The following ACER3 variants were observed in gnomAD, a reference collection of about 807,000 sequenced individuals.
The protein encoded by ACER3 is alkaline ceramidase 3.
A neutral mutation model predicts 48.9 loss-of-function variants in ACER3; 16 were observed. That is an observed-to-expected ratio of 0.33 (90% CI 0.22 to 0.50). The LOEUF (loss-of-function observed/expected upper bound fraction) is 0.50, where lower values mean the gene tolerates loss of function less well. Ranked by LOEUF, ACER3 falls within the 20% of genes least tolerant of loss-of-function variation. ACER3 has a pLI of 0.98. For missense variants in ACER3, 227 were observed against 326.0 expected, an observed-to-expected ratio of 0.70 and a Z score of 2.34; for synonymous variants, 109 against 107.8, an observed-to-expected ratio of 1.01 and a Z score of -0.07.
chr11:76,972,046 T>C (rs926500811), intron 3 of ACER3, among the ~76,000 whole-genome samples: 1 of 152,254 alleles, frequency 6.6e-6, no homozygotes, highest in Non-Finnish European at 1.5e-5. Context: ...ATCGCTGTCC[T>C]GAAATATATC....
Position 77,025,323 on chromosome 11 carries a change from AT to A in ACER3, c.*4997del, listed in dbSNP as rs1363820839. 6.6e-6 allele frequency: 1 copy of A among 151,142 alleles called. No homozygotes were observed. The highest frequency in any genetic ancestry group is 1.5e-5 in the Non-Finnish European group (1 of 67,900). 9.4% of individuals were successfully genotyped at this position (151,142 alleles called of 1,614,324 possible). On this transcript the variant is annotated 3_prime_UTR_variant, in exon 11 of 11. Transcript: ENST00000532485. ...ATCAGGGGTTGGTAAACTACAACCC[AT>A]GGGCCAAATTCAGGCTGCGTTGTAT...
At chr11:76,995,575 A>G (rs1948893867) in intron 6 of ACER3, among the ~76,000 whole-genome samples, 1 of 152,200 alleles carries the variant, frequency 6.6e-6, no homozygotes, top group African/African-American at 2.4e-5. Flanking sequence ...GATAAAAATT[A>G]TAAGGAGCAG....
At chr11:76,992,020 G>T (rs1948815646) in intron 6 of ACER3, among the ~76,000 whole-genome samples, 1 of 151,568 alleles carries the variant, frequency 6.6e-6, no homozygotes, top group African/African-American at 2.4e-5. Flanking sequence ...TTGAAGCCAG[G>T]AGTTCGAGAC....
intron 3 of ACER3, among the ~76,000 whole-genome samples, chr11:76,969,541 A>C (rs1178518176): frequency 6.6e-6 from 1 of 151,924 alleles, no homozygotes; most frequent in Non-Finnish European, 1.5e-5. Context: ...ACTTGGAACC[A>C]ACCTAAATGT....
At chr11:76,896,439 G>T (rs57510440) in intron 1 of ACER3, among the ~76,000 whole-genome samples, 7,814 of 151,636 alleles carry the variant, frequency 0.052, 642 homozygotes, top group African/African-American at 0.18. Context: ...CGGGCAGATC[G>T]CTTAAGCTTA....
intron 1 of ACER3, among the ~76,000 whole-genome samples, chr11:76,895,567 CT>C (rs1342019701): frequency 1.3e-5 from 2 of 152,184 alleles, no homozygotes; most frequent in African/African-American, 2.4e-5. Context: ...CTGATGCTTA[CT>C]GTATACATGT....
intron 1 of ACER3, among the ~76,000 whole-genome samples, chr11:76,922,781 C>T (rs563624593): frequency 1.2e-4 from 18 of 152,076 alleles, no homozygotes; most frequent in African/African-American, 3.6e-4. Context: ...TTTCTTAACC[C>T]GCTTTTACTG....
intron 2 of ACER3, among the ~76,000 whole-genome samples, chr11:76,947,510 A>G (rs572310055): frequency 3.7e-4 from 57 of 152,372 alleles, no homozygotes; most frequent in African/African-American, 1.3e-3. Context: ...ATGCTTTAGC[A>G]TACTATATCC....
intron 1 of ACER3, among the ~76,000 whole-genome samples, chr11:76,922,908 G>T (rs1156787560): frequency 6.6e-6 from 1 of 151,958 alleles, no homozygotes; most frequent in Admixed American, 6.6e-5. Context: ...GCATATTTTT[G>T]TTCCTTTCTC....
intron 8 of ACER3, among the ~76,000 whole-genome samples, chr11:77,016,282 A>G (rs926462229): frequency 8.5e-5 from 13 of 152,180 alleles, no homozygotes; most frequent in Admixed American, 8.5e-4. Flanking sequence ...TGGAACTTCA[A>G]TCAGTAACCG....
intron 6 of ACER3, among the ~76,000 whole-genome samples, chr11:76,996,425 TATTA>T (rs1948912248): frequency 2.1e-5 from 3 of 140,476 alleles, no homozygotes; most frequent in Admixed American, 6.9e-5. Flanking sequence ...TTATTATTAT[TATTA>T]TTTTTTGAGA....
intron 4 of ACER3, among the ~76,000 whole-genome samples, chr11:76,980,152 C>T (rs1948551363): frequency 6.6e-6 from 1 of 151,744 alleles, no homozygotes; most frequent in Admixed American, 6.6e-5. Flanking sequence ...AAAACAAAAA[C>T]CAATACCAAA....
chr11:76,865,398 T>G (rs1945054099), intron 1 of ACER3, among the ~76,000 whole-genome samples: 4 of 151,950 alleles, frequency 2.6e-5, no homozygotes, highest in Admixed American at 2.6e-4. Flanking sequence ...TAATGCAAAG[T>G]TTTTTTTGTT....
intron 1 of ACER3, among the ~76,000 whole-genome samples, chr11:76,890,733 A>G (rs1945783309): frequency 1.3e-5 from 2 of 152,212 alleles, no homozygotes; most frequent in Admixed American, 1.3e-4. Context: ...TTTGCAAGTT[A>G]TGTGATATAT....
intron 1 of ACER3, among the ~76,000 whole-genome samples, chr11:76,879,916 T>C (rs1284309318): frequency 6.6e-6 from 1 of 152,176 alleles, no homozygotes; most frequent in Admixed American, 6.5e-5. Flanking sequence ...GGTTTTTAAG[T>C]TGTGTTTTTC....
intron 7 of ACER3, among the ~76,000 whole-genome samples, chr11:77,006,050 C>T (rs1414449619): frequency 2.3e-5 from 3 of 130,610 alleles, no homozygotes; most frequent in Non-Finnish European, 3.3e-5. Context: ...AGTGCAGTGG[C>T]GCGATCTTGG....
chr11:77,005,991 ATT>A lies in ACER3; in HGVS notation c.497+7184_497+7185del, dbSNP rs1228374444. 3.8e-3 allele frequency among the ~76,000 whole-genome samples: 385 copies of A among 100,826 alleles called. 7 individuals are homozygous for A. The highest frequency in any genetic ancestry group is 4.4e-3 in the Non-Finnish European group (236 of 53,156). The allele number at this position is 100,826 out of a possible 152,430, so 66.1% of individuals were successfully genotyped here. On this transcript the variant is annotated intron_variant, in intron 7 of 10. Coordinates refer to ENST00000532485, the MANE Select transcript of ACER3 (RefSeq NM_018367.7). ...TATATACATATATATATATATATAT[ATT>A]TTTTTTTTTTTTTGAGCCAGAGTTT...
rs57808641 is a variant in ACER3 at position 77,024,156 on chromosome 11, GA to G, written c.*3845del. 0.047 allele frequency: 2,958 copies of G among 63,496 alleles called. 51 individuals are homozygous for G. The highest frequency in any genetic ancestry group is 0.1 in the African/African-American group (1,820 of 18,146). 3.9% of individuals were successfully genotyped at this position (63,496 alleles called of 1,614,324 possible). ...CCCTTTATGGAAGGAGCTGCAAAATGAAAAAAAAAAAAAAAAGGAATCATGT... is the reference window on the plus strand; with the variant it reads ...CCCTTTATGGAAGGAGCTGCAAAATGAAAAAAAAAAAAAAAGGAATCATGT... On this transcript the variant is annotated 3_prime_UTR_variant, in exon 11 of 11. Transcript: ENST00000532485.
intron 2 of ACER3, among the ~76,000 whole-genome samples, chr11:76,948,233 G>A (rs565802237): frequency 0.026 from 3,882 of 150,588 alleles, 169 homozygotes; most frequent in African/African-American, 0.089. Context: ...GTGTGTGTGT[G>A]TGTGTGTGTG....
Sources: gnomAD v4.1 joint callset for allele counts (sites outside exome capture counted in the v4.1 genomes callset) on GRCh38, gnomAD v4.1.1 for gene constraint, MANE v1.5 for transcripts, NCBI Gene and HGNC (gene_info 2026-07-23, HGNC 2026-07-21) for gene names.